Variants in ABCC9 observed in about 807,000 individuals in gnomAD.
The protein encoded by ABCC9 is ATP-binding cassette sub-family C member 9.
A neutral mutation model predicts 188.3 loss-of-function variants in ABCC9; 95 were observed. That is an observed-to-expected ratio of 0.50 (90% CI 0.43 to 0.60). The LOEUF is 0.60. ABCC9 is among the 20% of genes least tolerant of loss of function. The pLI, the probability that ABCC9 is intolerant of heterozygous loss-of-function variation, is 0.00. For synonymous variants in ABCC9, 659 were observed against 652.7 expected (o/e 1.01, Z -0.15); for missense variants, 1,102 against 1,876.3 (o/e 0.59, Z 7.62).
chr12:21,852,012 T>C, intron 24 of ABCC9, 85 bp downstream of exon 24: 2 of 1,515,894 alleles, frequency 1.3e-6, no homozygotes. Context: ...TAAATGGTAA[T>C]TTTTTAAAAA....
intron 5 of ABCC9, chr12:21,924,896 A>G (rs1003273150): frequency 6.6e-6 from 1 of 152,098 alleles, no homozygotes. Flanking sequence ...TACCTTTTTT[A>G]TTAGATTGCC....
At chr12:21,856,461 ATAT>A (rs1945229968) in intron 22 of ABCC9, among the ~76,000 whole-genome samples, 1 of 152,064 alleles carries the variant, frequency 6.6e-6, no homozygotes, top group Admixed American at 6.6e-5. Context: ...ATAATTTAAT[ATAT>A]TCATTGATAC....
At chr12:21,824,431 G>A (rs1943244883) in intron 31 of ABCC9, among the ~76,000 whole-genome samples, 1 of 152,190 alleles carries the variant, frequency 6.6e-6, no homozygotes, top group Non-Finnish European at 1.5e-5. Context: ...ATGTTCATCA[G>A]GGATATTGGT....
At chr12:21,928,182 T>C (rs1309798604) in intron 4 of ABCC9, among the ~76,000 whole-genome samples, 5 of 148,336 alleles carry the variant, frequency 3.4e-5, no homozygotes, top group African/African-American at 1.3e-4. Flanking sequence ...ATCACGCGGC[T>C]GCACTCCAGC....
intron 12 of ABCC9, among the ~76,000 whole-genome samples, chr12:21,904,104 G>C (rs1047977820): frequency 6.6e-5 from 10 of 152,244 alleles, no homozygotes; most frequent in African/African-American, 2.4e-4. Context: ...GAACAGAACA[G>C]AGCCCTCAGA....
intron 29 of ABCC9, among the ~76,000 whole-genome samples, chr12:21,840,240 G>A (rs1442283912): frequency 6.6e-6 from 1 of 152,126 alleles, no homozygotes; most frequent in Non-Finnish European, 1.5e-5. Context: ...TACAAAAATG[G>A]CATGTTAAGC....
At chr12:21,922,872 T>C (rs1307430025) in intron 5 of ABCC9, 1 of 151,010 alleles carries the variant, frequency 6.6e-6, no homozygotes, top group Non-Finnish European at 1.5e-5. Flanking sequence ...GTGTGACTTA[T>C]AATTTATGAC....
chr12:21,938,918 C>T (rs1949595241), intron 2 of ABCC9, among the ~76,000 whole-genome samples: 1 of 152,302 alleles, frequency 6.6e-6, no homozygotes, highest in South Asian at 2.1e-4. Flanking sequence ...CACCAGATAT[C>T]TGGAATTCTA....
intron 24 of ABCC9, 133 bp from the exon 25 acceptor site, chr12:21,848,379 C>A: frequency 1.3e-6 from 1 of 754,294 alleles, no homozygotes. Flanking sequence ...TCTGGAGATC[C>A]ACAACTCCTG....
At chr12:21,908,305 T>G (rs1427053160) in intron 10 of ABCC9, 94 bp from the exon 11 acceptor site, 1 of 1,420,954 alleles carries the variant, frequency 7.0e-7, no homozygotes, top group Non-Finnish European at 9.8e-7. Flanking sequence ...GTAGTATTTC[T>G]TAATTATTAT....
At chr12:21,870,074 G>T (rs926580490) in intron 18 of ABCC9, among the ~76,000 whole-genome samples, 2 of 151,742 alleles carry the variant, frequency 1.3e-5, no homozygotes, top group African/African-American at 2.4e-5. Context: ...CCTCCTGCCT[G>T]CCCTCTAAAC....
At chr12:21,875,752 A>T (rs746072607) in intron 16 of ABCC9, 26 bp from the exon 17 acceptor site, 1 of 1,535,736 alleles carries the variant, frequency 6.5e-7, no homozygotes, top group Admixed American at 1.7e-5. Context: ...ACAGAAATTA[A>T]ATTATATGTG....
chr12:21,929,376 G>A (rs773984477), intron 4 of ABCC9, among the ~76,000 whole-genome samples: 19 of 151,538 alleles, frequency 1.3e-4, no homozygotes, highest in Admixed American at 1.1e-3. Context: ...AGAGTAAACC[G>A]GAATCACAGG....
chr12:21,827,481 C>T (rs1484182704), intron 31 of ABCC9: 1 of 168,768 alleles, frequency 5.9e-6, no homozygotes, highest in Non-Finnish European at 1.2e-5. Context: ...TAAGCTATTT[C>T]ATCAGTAATT....
chr12:21,907,940 C>T (rs1948120888), intron 11 of ABCC9, 137 bp downstream of exon 11: 1 of 1,022,254 alleles, frequency 9.8e-7, no homozygotes, highest in African/African-American at 1.6e-5. Flanking sequence ...GGAAAATACA[C>T]ATTTGCTGCT....
chr12:21,909,198 A>C (rs1948197516), intron 10 of ABCC9, among the ~76,000 whole-genome samples: 1 of 152,088 alleles, frequency 6.6e-6, no homozygotes, highest in South Asian at 2.1e-4. Flanking sequence ...CCTTTATATA[A>C]GTATATTTTG....
chr12:21,860,824 C>T, intron 21 of ABCC9, 147 bp downstream of exon 21: 1 of 666,906 alleles, frequency 1.5e-6, no homozygotes. Context: ...CAAAGGACTC[C>T]CATCCTTGGT....
intron 12 of ABCC9, among the ~76,000 whole-genome samples, chr12:21,899,090 C>T (rs1947581059): frequency 6.6e-6 from 1 of 152,154 alleles, no homozygotes; most frequent in Admixed American, 6.5e-5. Context: ...ACTGCCAGTA[C>T]TCATTTAGTT....
rs1941296817 is a variant in ABCC9, at chr12:21,798,944, G to GT, written c.*2099dup. 1.3e-5 allele frequency: 2 copies of GT among 150,144 alleles called. No individual in the cohort carries two copies. Among genetic ancestry groups the GT allele is most frequent in the African/African-American group, 4.9e-5 (2 of 40,670 alleles). The allele number at this position is 150,144 out of a possible 1,614,324, so 9.3% of individuals were successfully genotyped here. ...ACAAAATGATGAGTTCATGTCCTTTGTAGGGACATGGATGAAACTGGAAAC... is the reference window on the plus strand; with the variant it reads ...ACAAAATGATGAGTTCATGTCCTTTGTTAGGGACATGGATGAAACTGGAAAC... On this transcript the variant is annotated 3_prime_UTR_variant, in exon 40 of 40. Transcript: ENST00000261200.
Sources: allele counts gnomAD v4.1 joint callset (sites outside exome capture counted in the v4.1 genomes callset), GRCh38; gene constraint gnomAD v4.1.1; transcripts MANE v1.5; gene names NCBI Gene and HGNC (gene_info 2026-07-23, HGNC 2026-07-21).